FAM174B: variants seen among roughly 807,000 people sequenced by gnomAD.
FAM174B encodes the protein family with sequence similarity 174 member B.
FAM174B carries 12 observed loss-of-function variants against 10.9 expected under a neutral mutation model. The ratio of observed to expected loss-of-function variants is 1.10; its 90% CI spans 0.71 to 1.79. FAM174B has a LOEUF of 1.79. FAM174B is among the 40% of genes most tolerant of loss of function. FAM174B has a pLI of 0.00. For missense variants in FAM174B, 266 were observed against 233.3 expected, an observed-to-expected ratio of 1.14 and a Z score of -0.91; for synonymous variants, 132 against 115.8, an observed-to-expected ratio of 1.14 and a Z score of -0.90.
chr15:92,655,431 A>T lies in FAM174B; in HGVS notation c.229T>A (p.Leu77Met). The change falls in exon 1 of 3, where the codon TTG becomes ATG. Residue 77 changes from leucine (L) to methionine (M), a missense_variant. By Grantham distance (15) the Leu-to-Met change is conservative. Coordinates refer to ENST00000327355, the MANE Select transcript of FAM174B (RefSeq NM_207446.3). The stretch of plus-strand genomic sequence containing the variant: ...AGGAGGATGGAAATGCGGGTCACCA[A>T]GGCGTCGCCACTGCTGTTGGAGCTG... ...SSSSNSSGDALVTRISILLRD... is the reference protein window; with the variant it reads ...SSSSNSSGDAMVTRISILLRD... 1 of 1,556,210 alleles carries T rather than the reference A, an allele frequency of 6.4e-7. No homozygotes were observed. Among genetic ancestry groups the T allele is most frequent in the Non-Finnish European group, 8.6e-7 (1 of 1,159,878 alleles).
chr15:92,627,691 T>A lies in FAM174B; in HGVS notation c.476+2523A>T, dbSNP rs1035847734. Among the ~76,000 whole-genome samples, 6 of 152,214 alleles carry A rather than the reference T, an allele frequency of 3.9e-5. No homozygotes were observed. The East Asian group carries it at 7.7e-4, about 20-fold the overall frequency. On this transcript the variant is annotated intron_variant, in intron 2 of 2. Transcript: ENST00000327355. ...AGTTAGTTCAGTCACCAAAGATTGATGAGACGCTGTTCACTGGCTCAGAAT... is the reference window on the plus strand; with the variant it reads ...AGTTAGTTCAGTCACCAAAGATTGAAGAGACGCTGTTCACTGGCTCAGAAT...
In FAM174B at chr15:92,655,338, A is replaced by C; in HGVS notation, c.322T>G (p.Cys108Gly). The C allele has an allele frequency of 7.0e-6, 11 of 1,575,164 alleles. No homozygotes were observed. The highest frequency in any genetic ancestry group is 9.5e-6 in the Non-Finnish European group (11 of 1,160,736). ...AFAFTTLLIACLLLRVFRSGK... is the reference protein window; with the variant it reads ...AFAFTTLLIAGLLLRVFRSGK... ...CACCTGAAGACGCGCAGCAGCAGGC[A>C]GGCGATGAGGAGGGTGGTAAAGGCG... Residue 108 changes from cysteine (C) to glycine (G), a missense_variant, in exon 1 of 3, where the codon TGC (cysteine) becomes GGC (glycine). Physicochemically the swap from Cys to Gly is radical, Grantham distance 159. Transcript: ENST00000327355.
At chr15:92,638,819 G>A (rs112426253) in intron 1 of FAM174B, among the ~76,000 whole-genome samples, 8,197 of 152,192 alleles carry the variant, frequency 0.054, 395 homozygotes, top group African/African-American at 0.13. Context: ...TCCTTCTTCC[G>A]AATCCTGCAG....
At chr15:92,644,670 G>A (rs1403975948) in intron 1 of FAM174B, among the ~76,000 whole-genome samples, 1 of 152,162 alleles carries the variant, frequency 6.6e-6, no homozygotes, top group Admixed American at 6.5e-5. Flanking sequence ...TAACTCAAAT[G>A]CCCCAAGGCC....
chr15:92,619,024 G>C lies in FAM174B; in HGVS notation c.*432C>G. 2 of 595,688 alleles carry C rather than the reference G, an allele frequency of 3.4e-6. No homozygotes were observed. Among genetic ancestry groups the C allele is most frequent in the Non-Finnish European group, 5.9e-6 (2 of 336,332 alleles). 36.9% of individuals were successfully genotyped at this position (595,688 alleles called of 1,614,324 possible). ...TGGGGTCCAATGTGTAGATCCAGTA[G>C]AGAAGAATGTCGGAAATTCTAAATA... On this transcript the variant is annotated 3_prime_UTR_variant, in exon 3 of 3. Coordinates refer to ENST00000327355, the MANE Select transcript of FAM174B (RefSeq NM_207446.3).
chr15:92,618,878 G>A lies in FAM174B; in HGVS notation c.*578C>T. On this transcript the variant is annotated 3_prime_UTR_variant, in exon 3 of 3. Transcript: ENST00000327355. The stretch of plus-strand genomic sequence containing the variant: ...AAAGGAAGAAAGAAAAGGAGCCACA[G>A]ACGTGTCCAGGTCTGGAAGGGGCTG... 4.0e-6 allele frequency: 1 copy of A among 252,424 alleles called. No homozygotes were observed. Among genetic ancestry groups the A allele is most frequent in the Non-Finnish European group, 7.4e-6 (1 of 135,792 alleles). The allele number at this position is 252,424 out of a possible 1,614,324, so 15.6% of individuals were successfully genotyped here.
intron 2 of FAM174B, among the ~76,000 whole-genome samples, chr15:92,629,464 C>G (rs565173205): frequency 2.0e-5 from 3 of 152,178 alleles, no homozygotes; most frequent in East Asian, 3.8e-4. Context: ...CCCAGCCACC[C>G]ACGTCCTCAG....
At chr15:92,652,782 G>A (rs201106443) in intron 1 of FAM174B, among the ~76,000 whole-genome samples, 7 of 152,242 alleles carry the variant, frequency 4.6e-5, no homozygotes, top group African/African-American at 7.2e-5. Flanking sequence ...TCCAGGACTC[G>A]GTGCCCGCAG....
At chr15:92,650,727 C>T (rs1255538061) in intron 1 of FAM174B, among the ~76,000 whole-genome samples, 2 of 152,192 alleles carry the variant, frequency 1.3e-5, no homozygotes, top group African/African-American at 4.8e-5. Flanking sequence ...ATCCATGCAA[C>T]ATCACCAGTT....
intron 1 of FAM174B, among the ~76,000 whole-genome samples, chr15:92,648,061 A>C (rs1202228290): frequency 2.6e-5 from 4 of 152,226 alleles, no homozygotes; most frequent in Non-Finnish European, 5.9e-5. Context: ...GAATCTGCCT[A>C]TGGTCTATAA....
intron 1 of FAM174B, among the ~76,000 whole-genome samples, chr15:92,648,937 G>A (rs145886590): frequency 8.5e-5 from 13 of 152,328 alleles, no homozygotes; most frequent in African/African-American, 3.1e-4. Context: ...ATTTCCCTTT[G>A]CAAATGGTTA....
chr15:92,623,454 A>G (rs955829863), intron 2 of FAM174B, among the ~76,000 whole-genome samples: 1 of 152,188 alleles, frequency 6.6e-6, no homozygotes, highest in Admixed American at 6.5e-5. Context: ...AAGTGAAGGC[A>G]TATTTAGCTG....
chr15:92,623,246 T>G (rs1484502982), intron 2 of FAM174B, among the ~76,000 whole-genome samples: 1 of 151,940 alleles, frequency 6.6e-6, no homozygotes, highest in African/African-American at 2.4e-5. Context: ...TTACCCAGCC[T>G]GTACTCATGG....
At chr15:92,631,743 A>C (rs2050820415) in intron 1 of FAM174B, among the ~76,000 whole-genome samples, 1 of 150,866 alleles carries the variant, frequency 6.6e-6, no homozygotes, top group African/African-American at 2.4e-5. Flanking sequence ...TGATCTGCCC[A>C]CCTCGCCCTC....
intron 1 of FAM174B, among the ~76,000 whole-genome samples, chr15:92,649,273 T>A (rs1452754999): frequency 6.6e-6 from 1 of 152,212 alleles, no homozygotes; most frequent in Non-Finnish European, 1.5e-5. Context: ...CCACGTCAGG[T>A]GCCAGGTCTT....
intron 2 of FAM174B, among the ~76,000 whole-genome samples, chr15:92,626,827 T>G (rs183748611): frequency 0.013 from 1,936 of 151,444 alleles, 42 homozygotes; most frequent in African/African-American, 0.044. Context: ...CCGAGGCGGG[T>G]GGATCACGAG....
chr15:92,651,232 C>T (rs2050964330), intron 1 of FAM174B, among the ~76,000 whole-genome samples: 1 of 152,152 alleles, frequency 6.6e-6, no homozygotes. Context: ...CTGGTGCCTG[C>T]TCAAGGAAAT....
intron 1 of FAM174B, among the ~76,000 whole-genome samples, chr15:92,633,216 C>T (rs1264879979): frequency 2.0e-5 from 3 of 152,150 alleles, no homozygotes; most frequent in East Asian, 1.9e-4. Context: ...CAAAGACACA[C>T]GCGAGATCTC....
At position 92,655,461 on chromosome 15, in the gene FAM174B, TGC is replaced by T; in HGVS notation, c.197_198del (p.Gly66GlufsTer61). Reference sequence around the variant, plus strand: ...TCGCCACTGCTGTTGGAGCTGGAGCTGCCGCTGCCGCCCGCCGCCCCAGACCC... The same window carrying T: ...TCGCCACTGCTGTTGGAGCTGGAGCTCGCTGCCGCCCGCCGCCCCAGACCC... Reference protein sequence around the residue: ...RFGSGAAGGSGSSSSNSSGDA... With the variant: ...RFGSGAAGGSXSSSSNSSGDA... On this transcript the variant is annotated frameshift_variant, in exon 1 of 3. Coordinates refer to ENST00000327355, the MANE Select transcript of FAM174B (RefSeq NM_207446.3). LOFTEE classifies it high-confidence loss of function. The T allele has an allele frequency of 6.4e-7, 1 of 1,557,934 alleles. No homozygotes were observed. Among genetic ancestry groups the T allele is most frequent in the Non-Finnish European group, 8.7e-7 (1 of 1,155,514 alleles).
Sources: allele counts gnomAD v4.1 joint callset (sites outside exome capture counted in the v4.1 genomes callset), GRCh38; gene constraint gnomAD v4.1.1; transcripts MANE v1.5; gene names NCBI Gene and HGNC (gene_info 2026-07-23, HGNC 2026-07-21).